PHKA1: variants seen among roughly 807,000 people sequenced by gnomAD.
The protein encoded by PHKA1 is phosphorylase kinase regulatory subunit alpha 1.
In PHKA1, 60 loss-of-function variants were observed where a neutral mutation model predicts 110.2. The observed-to-expected ratio is 0.54, with a 90% CI of 0.44 to 0.68. PHKA1 has a LOEUF of 0.68. Among genes scored for constraint, PHKA1 ranks in the 30% least tolerant of loss-of-function variants. PHKA1 has a pLI of 0.00. For synonymous variants in PHKA1, 316 were observed against 333.6 expected (o/e 0.95, Z 0.58); for missense variants, 801 against 942.5 (o/e 0.85, Z 1.97).
rs1458315275 is a variant in PHKA1, at chrX:72,693,945, T to C, written c.454+1763A>G. On this transcript the variant is annotated intron_variant, in intron 4 of 31. Coordinates refer to ENST00000373542, the MANE Select transcript of PHKA1 (RefSeq NM_002637.4). Reference sequence around the variant, plus strand: ...GTAGATTTCCTGGAGTAAATGTTTCTCTACCTGCTGTATGTCCTTCAGACA... The same window carrying C: ...GTAGATTTCCTGGAGTAAATGTTTCCCTACCTGCTGTATGTCCTTCAGACA... 4.5e-5 allele frequency among the ~76,000 whole-genome samples: 5 copies of C among 112,108 alleles called. No individual in the cohort carries two copies. In the East Asian group the frequency reaches 1.4e-3, roughly 31 times the overall value.
chrX:72,655,867 G>A (rs782127150), intron 10 of PHKA1, among the ~76,000 whole-genome samples: 6 of 112,210 alleles, frequency 5.3e-5, no homozygotes, highest in African/African-American at 9.7e-5. Flanking sequence ...TGATCCGCCC[G>A]CCTCGGCCTC....
chrX:72,626,056 A>G (rs781961701), intron 17 of PHKA1, among the ~76,000 whole-genome samples: 29 of 106,149 alleles, frequency 2.7e-4, no homozygotes, highest in African/African-American at 9.1e-4. Context: ...GCAAAAAAGC[A>G]TGTGTGTACA....
chrX:72,663,910 A>G (rs2053589375), intron 8 of PHKA1, among the ~76,000 whole-genome samples: 1 of 109,670 alleles, frequency 9.1e-6, no homozygotes, highest in Non-Finnish European at 1.9e-5. Context: ...GCACATACAG[A>G]AAGGGCACAT....
rs1556290961 is a variant in PHKA1 at position 72,635,254 on chromosome X, T to C, written c.1615A>G (p.Ile539Val). 8.3e-7 allele frequency: 1 copy of C among 1,210,877 alleles called. No individual in the cohort carries two copies. Reference protein sequence around the residue: ...QFYLALDNKMIVEMLRTDLSY... With the variant: ...QFYLALDNKMVVEMLRTDLSY... ...AGGTCTGTTCTAAGCATTTCCACTA[T>C]CATCTTGTTGTCCAGAGCCAGGTAG... The change falls in exon 16 of 32, where the codon ATA (isoleucine) becomes GTA (valine). Residue 539 changes from isoleucine to valine, a missense_variant. Transcript: ENST00000373542.
At chrX:72,705,608 C>T (rs1348139153) in intron 2 of PHKA1, among the ~76,000 whole-genome samples, 1 of 112,006 alleles carries the variant, frequency 8.9e-6, no homozygotes. Flanking sequence ...AAAGACTTCA[C>T]TACAACATTG....
chrX:72,617,405 A>G (rs1166071962), intron 21 of PHKA1, among the ~76,000 whole-genome samples: 7 of 111,413 alleles, frequency 6.3e-5, no homozygotes, highest in African/African-American at 2.3e-4. Context: ...CTGTGGTACC[A>G]GCTACTCAGG....
At chrX:72,591,996 TATC>T (rs2052528274) in intron 29 of PHKA1, among the ~76,000 whole-genome samples, 1 of 112,122 alleles carries the variant, frequency 8.9e-6, no homozygotes, top group South Asian at 3.7e-4. Context: ...ACACAGTACT[TATC>T]ATCTTTTAAC....
chrX:72,608,065 T>G (rs2052756506), intron 23 of PHKA1, among the ~76,000 whole-genome samples: 1 of 111,488 alleles, frequency 9.0e-6, no homozygotes, highest in Non-Finnish European at 1.9e-5. Context: ...GCTGGGCATG[T>G]GTTTGGTCAC....
chrX:72,632,351 C>T (rs186309972), intron 16 of PHKA1, among the ~76,000 whole-genome samples: 1 of 111,450 alleles, frequency 9.0e-6, no homozygotes, highest in African/African-American at 3.3e-5. Context: ...TTATTGAGTA[C>T]ATAAAATTTT....
In PHKA1 at chrX:72,579,139, A is replaced by G. The variant is rs965598112; in HGVS notation, c.*1863T>C. On this transcript the variant is annotated 3_prime_UTR_variant, in exon 32 of 32. Coordinates refer to ENST00000373542, the MANE Select transcript of PHKA1 (RefSeq NM_002637.4). Reference sequence around the variant, plus strand: ...TCCCTGAGATTGGGGTACACTTACAACCAGTGAAAAGACAAATAGTTTCAG... The same window carrying G: ...TCCCTGAGATTGGGGTACACTTACAGCCAGTGAAAAGACAAATAGTTTCAG... The G allele has an allele frequency of 9.8e-5, 11 of 112,067 alleles. No homozygotes were observed. Among genetic ancestry groups the G allele is most frequent in the African/African-American group, 3.6e-4 (11 of 30,808 alleles). The allele number at this position is 112,067 out of a possible 1,213,427, so 9.2% of individuals were successfully genotyped here.
chrX:72,685,575 C>G (rs782676063), intron 4 of PHKA1, among the ~76,000 whole-genome samples: 1 of 111,665 alleles, frequency 9.0e-6, no homozygotes, highest in East Asian at 2.8e-4. Flanking sequence ...AAATTTTATA[C>G]AAAATTACTT....
In PHKA1 at chrX:72,580,111, C is replaced by T. The variant is rs2052315877; in HGVS notation, c.*891G>A. The stretch of plus-strand genomic sequence containing the variant: ...TAAGGCTGTCTTCAGGGAACTAAGC[C>T]ACCTCTGATTCCCTCTCTGTTCCCT... On this transcript the variant is annotated 3_prime_UTR_variant, in exon 32 of 32. Coordinates refer to ENST00000373542, the MANE Select transcript of PHKA1 (RefSeq NM_002637.4). The T allele has an allele frequency of 8.9e-6, 1 of 111,808 alleles. No homozygotes were observed. The highest frequency in any genetic ancestry group is 9.5e-5 in the Admixed American group (1 of 10,559). The allele number at this position is 111,808 out of a possible 1,213,427, so 9.2% of individuals were successfully genotyped here.
chrX:72,645,286 C>T (rs190568377), intron 13 of PHKA1, among the ~76,000 whole-genome samples: 77 of 112,645 alleles, frequency 6.8e-4, no homozygotes, highest in African/African-American at 2.4e-3. Flanking sequence ...GTGCCCTCTA[C>T]TCCTGCTCCT....
chrX:72,680,781 C>G (rs1256642657), intron 5 of PHKA1, among the ~76,000 whole-genome samples: 1 of 89,579 alleles, frequency 1.1e-5, no homozygotes, highest in African/African-American at 4.3e-5. Flanking sequence ...GGATGGAGTT[C>G]AGCGGGCAGC....
At chrX:72,582,816 C>T (rs782371558) in intron 30 of PHKA1, among the ~76,000 whole-genome samples, 1 of 111,673 alleles carries the variant, frequency 9.0e-6, no homozygotes, top group African/African-American at 3.3e-5. Context: ...ACCCATAATC[C>T]TATTTCTGAG....
intron 8 of PHKA1, among the ~76,000 whole-genome samples, chrX:72,665,610 T>C (rs896340825): frequency 2.6e-4 from 29 of 111,234 alleles, no homozygotes; most frequent in Non-Finnish European, 4.0e-4. Context: ...CTGATGAACA[T>C]AGATGCAAAA....
chrX:72,579,648 T>A lies in PHKA1; in HGVS notation c.*1354A>T, dbSNP rs1458155223. The A allele has an allele frequency of 9.0e-6, 1 of 111,135 alleles. No homozygotes were observed. The allele number at this position is 111,135 out of a possible 1,213,427, so 9.2% of individuals were successfully genotyped here. A position where few individuals can be genotyped will look rare whatever the true frequency, so the allele number is the denominator to read the frequency against. On this transcript the variant is annotated 3_prime_UTR_variant, in exon 32 of 32. Transcript: ENST00000373542. ...CACATCCCTTCTCTCACATGCAACA[T>A]TCTTACTCAGTCCATCAAATGTAGA...
Position 72,713,670 on chromosome X carries a change from T to TCA in PHKA1, c.78+131_78+132dup, listed in dbSNP as rs58583639. The TCA allele has an allele frequency of 0.085, 34,921 of 410,046 alleles. 149 individuals carry two copies. The highest frequency in any genetic ancestry group is 0.14 in the Middle Eastern group (332 of 2,317). The allele number at this position is 410,046 out of a possible 1,213,427, so 33.8% of individuals were successfully genotyped here. A position where few individuals can be genotyped will look rare whatever the true frequency, so the allele number is the denominator to read the frequency against. On this transcript the variant is annotated intron_variant, in intron 1 of 31. Transcript: ENST00000373542. ...ACGCGGAGTTCATGCAAGGTCTCCG[T>TCA]CACACACACACACACACACACACAC...
chrX:72,695,773 C>T lies in PHKA1; in HGVS notation c.389G>A (p.Trp130Ter), dbSNP rs1556327000. 18 of 1,204,096 alleles carry T rather than the reference C, an allele frequency of 1.5e-5. No individual in the cohort carries two copies. The highest frequency in any genetic ancestry group is 2.0e-5 in the Non-Finnish European group (18 of 891,074). The change falls in exon 4 of 32, where the codon TGG (tryptophan) becomes TAG (stop). Residue 130 changes from tryptophan to a stop codon, truncating the protein, a stop_gained. Coordinates refer to ENST00000373542, the MANE Select transcript of PHKA1 (RefSeq NM_002637.4). LOFTEE classifies it high-confidence loss of function. ...TCATVVGDDQ[W>*]GHLQLDATSV... ...GGTAGCATCCAACTGCAGGTGTCCC[C>T]ATTGATCATCACCCACTACAGTGGC... is the stretch of plus-strand genomic sequence containing the variant.
Sources: allele counts gnomAD v4.1 joint callset (sites outside exome capture counted in the v4.1 genomes callset), GRCh38; gene constraint gnomAD v4.1.1; transcripts MANE v1.5; gene names NCBI Gene and HGNC (gene_info 2026-07-23, HGNC 2026-07-21).